KLHL29: variants seen among roughly 807,000 people sequenced by gnomAD.
KLHL29 encodes kelch like family member 29, also known as kelch-like protein 29.
KLHL29 carries 21 observed loss-of-function variants against 80.4 expected under a neutral mutation model. The observed-to-expected ratio is 0.26, with a 90% CI of 0.19 to 0.38. The LOEUF (loss-of-function observed/expected upper bound fraction) is 0.38, where lower values mean the gene tolerates loss of function less well. Ranked by LOEUF, KLHL29 falls within the 10% of genes least tolerant of loss-of-function variation. KLHL29 has a pLI of 1.00. For missense variants in KLHL29, 867 were observed against 1,223.9 expected (o/e 0.71, Z 4.35); for synonymous variants, 511 against 526.8 (o/e 0.97, Z 0.41).
At chr2:23,458,478 C>T (rs953276054) in intron 1 of KLHL29, among the ~76,000 whole-genome samples, 8 of 152,206 alleles carry the variant, frequency 5.3e-5, no homozygotes, top group African/African-American at 1.9e-4. Flanking sequence ...CGTGCTGGCC[C>T]CTGGACTATG....
intron 2 of KLHL29, among the ~76,000 whole-genome samples, chr2:23,482,503 T>G (rs1004389660): frequency 1.3e-5 from 2 of 152,126 alleles, no homozygotes; most frequent in African/African-American, 4.8e-5. Flanking sequence ...AGTGCCTCTT[T>G]CTAACTTGCA....
Position 23,537,741 on chromosome 2 carries a change from G to A in KLHL29, c.-45-24411G>A, listed in dbSNP as rs114681492. On this transcript the variant is annotated intron_variant, in intron 2 of 13. Transcript: ENST00000486442. ...GGCCACCTGCAAGAAGCTGCATGTC[G>A]GGTGGGAAACTGGAGAGGCAGGGCT... Among the ~76,000 whole-genome samples, 163 of 152,230 alleles carry A rather than the reference G, an allele frequency of 1.1e-3. 1 individual carries two copies. Among genetic ancestry groups the A allele is most frequent in the African/African-American group, 3.6e-3 (151 of 41,534 alleles).
chr2:23,660,606 C>A (rs1670377667), intron 5 of KLHL29, among the ~76,000 whole-genome samples: 1 of 152,238 alleles, frequency 6.6e-6, no homozygotes, highest in South Asian at 2.1e-4. Context: ...AGATAACTGT[C>A]CCCACAGCCC....
At chr2:23,583,484 A>G (rs1464710131) in intron 3 of KLHL29, among the ~76,000 whole-genome samples, 5 of 152,114 alleles carry the variant, frequency 3.3e-5, no homozygotes, top group African/African-American at 4.8e-5. Context: ...TGCTTCCTAT[A>G]ACATATGGAC....
chr2:23,603,331 G>A (rs1212165105), intron 3 of KLHL29, among the ~76,000 whole-genome samples: 2 of 152,180 alleles, frequency 1.3e-5, no homozygotes, highest in African/African-American at 2.4e-5. Flanking sequence ...CAGCAGTCAA[G>A]GTGTTTCCTG....
chr2:23,653,355 T>C (rs1220709529), intron 5 of KLHL29, among the ~76,000 whole-genome samples: 3 of 152,214 alleles, frequency 2.0e-5, no homozygotes, highest in Non-Finnish European at 2.9e-5. Flanking sequence ...CTGAGACCTC[T>C]TCTTTCCTCC....
chr2:23,678,297 C>T (rs1352107253), intron 5 of KLHL29, among the ~76,000 whole-genome samples: 1 of 152,186 alleles, frequency 6.6e-6, no homozygotes, highest in African/African-American at 2.4e-5. Flanking sequence ...TTACACTCAC[C>T]ACTTAGAACC....
intron 5 of KLHL29, among the ~76,000 whole-genome samples, chr2:23,656,549 G>C (rs1035864091): frequency 1.3e-5 from 2 of 152,250 alleles, no homozygotes; most frequent in South Asian, 2.1e-4. Context: ...AGGCCCCTTA[G>C]GGCAGTTCTG....
chr2:23,426,119 G>A (rs1270185495), intron 1 of KLHL29, among the ~76,000 whole-genome samples: 1 of 152,182 alleles, frequency 6.6e-6, no homozygotes, highest in Non-Finnish European at 1.5e-5. Flanking sequence ...CTCTTGGGAG[G>A]GACAACTGGG....
At chr2:23,591,989 A>G (rs1240014016) in intron 3 of KLHL29, among the ~76,000 whole-genome samples, 1 of 152,252 alleles carries the variant, frequency 6.6e-6, no homozygotes, top group African/African-American at 2.4e-5. Flanking sequence ...AGCTCCCCTT[A>G]GGACTGCCAA....
At chr2:23,701,190 C>A (rs1354179684) in intron 11 of KLHL29, among the ~76,000 whole-genome samples, 1 of 13,044 alleles carries the variant, frequency 7.7e-5, no homozygotes, top group Non-Finnish European at 3.9e-4. Context: ...TCCTTGGCAA[C>A]TATCTCAATG....
At chr2:23,493,677 GTA>G (rs1665173844) in intron 2 of KLHL29, among the ~76,000 whole-genome samples, 2 of 152,060 alleles carry the variant, frequency 1.3e-5, no homozygotes. Context: ...GTGTGCATGT[GTA>G]TGTGTGTGTG....
chr2:23,446,348 T>G (rs534806909), intron 1 of KLHL29, among the ~76,000 whole-genome samples: 46 of 152,318 alleles, frequency 3.0e-4, no homozygotes, highest in Admixed American at 1.9e-3. Context: ...CAACTTTCTC[T>G]TCTCTTCCAT....
rs552723867 is a variant in KLHL29, at chr2:23,413,762, G to A, written c.-154+27982G>A. Among the ~76,000 whole-genome samples the A allele has an allele frequency of 3.5e-4, 53 of 152,134 alleles. 1 individual carries two copies. The highest frequency in any genetic ancestry group is 7.4e-4 in the Non-Finnish European group (50 of 68,020). On this transcript the variant is annotated intron_variant, in intron 1 of 13. Coordinates refer to ENST00000486442, the MANE Select transcript of KLHL29 (RefSeq NM_052920.2). Reference sequence around the variant, plus strand: ...CTGTGCATCTGTCCCCACCAAGCCCGGTGCTCTGAAGGTGGCATCGATGGC... The same window carrying A: ...CTGTGCATCTGTCCCCACCAAGCCCAGTGCTCTGAAGGTGGCATCGATGGC...
chr2:23,546,784 C>T (rs1467595802), intron 2 of KLHL29, among the ~76,000 whole-genome samples: 2 of 152,202 alleles, frequency 1.3e-5, no homozygotes, highest in African/African-American at 2.4e-5. Flanking sequence ...TGGGGGACAC[C>T]AAGGCTGTGC....
At chr2:23,676,994 A>C (rs980469325) in intron 5 of KLHL29, among the ~76,000 whole-genome samples, 1 of 152,208 alleles carries the variant, frequency 6.6e-6, no homozygotes, top group African/African-American at 2.4e-5. Context: ...CCCACGGCCC[A>C]AGCTGGCAGC....
At chr2:23,668,579 G>A (rs1670619338) in intron 5 of KLHL29, 1 of 152,334 alleles carries the variant, frequency 6.6e-6, no homozygotes, top group South Asian at 2.1e-4. Context: ...AGAAGTTCCA[G>A]GGGCAGAGGG....
chr2:23,703,942 C>T, intron 13 of KLHL29, 79 bp downstream of exon 13: 4 of 1,403,968 alleles, frequency 2.8e-6, no homozygotes, highest in Non-Finnish European at 2.9e-6. Context: ...TGATTTCCTG[C>T]CATCAGTGAC....
chr2:23,691,482 T>G lies in KLHL29; in HGVS notation c.1080-192T>G, dbSNP rs1163667940. 6.7e-6 allele frequency: 4 copies of G among 600,616 alleles called. No individual in the cohort carries two copies. In the African/African-American group the frequency reaches 7.4e-5, roughly 11 times the overall value. The allele number at this position is 600,616 out of a possible 1,614,324, so 37.2% of individuals were successfully genotyped here. A position where few individuals can be genotyped will look rare whatever the true frequency, so the allele number is the denominator to read the frequency against. On this transcript the variant is annotated intron_variant, in intron 6 of 13. Transcript: ENST00000486442. ...TGATAAGCAGGGTTTTCTGTTCTTT[T>G]GGGCGTCTCTGGTCAGACTCTTCTC...
Sources: gnomAD v4.1 joint callset for allele counts (sites outside exome capture counted in the v4.1 genomes callset) on GRCh38, gnomAD v4.1.1 for gene constraint, MANE v1.5 for transcripts, NCBI Gene and HGNC (gene_info 2026-07-23, HGNC 2026-07-21) for gene names.